Variants in AK7 observed in about 807,000 individuals in gnomAD.
AK7 encodes adenylate kinase 7, also known as ATP-AMP transphosphorylase 7.
In AK7, 78 loss-of-function variants were observed where a neutral mutation model predicts 96.6. The observed-to-expected ratio is 0.81, with a 90% CI of 0.67 to 0.97. The LOEUF is 0.97. Among genes scored for constraint, AK7 ranks in the 50% least tolerant of loss-of-function variants. The pLI is 0.00. For missense variants in AK7, 855 were observed against 887.9 expected (o/e 0.96, Z 0.47); for synonymous variants, 302 against 317.2 (o/e 0.95, Z 0.51).
rs953796278 is a variant in AK7 at position 96,456,533 on chromosome 14, G to A, written c.1227+58G>A. The A allele has an allele frequency of 3.2e-6, 5 of 1,561,512 alleles. No individual in the cohort carries two copies. The South Asian group carries it at 5.8e-5, about 18-fold the overall frequency. The stretch of plus-strand genomic sequence containing the variant: ...AATTAATTACTGTATTGTTCTTAGG[G>A]TATAAAGATGTATATGATTCGAATT... On this transcript the variant is annotated intron_variant, in intron 11 of 17. Coordinates refer to ENST00000267584, the MANE Select transcript of AK7 (RefSeq NM_152327.5).
intron 4 of AK7, among the ~76,000 whole-genome samples, chr14:96,415,826 A>G (rs1455467525): frequency 6.6e-6 from 1 of 151,020 alleles, no homozygotes; most frequent in Non-Finnish European, 1.5e-5. Flanking sequence ...TTAATTAAAT[A>G]ATTAAGGTAT....
Position 96,488,102 on chromosome 14 carries a change from G to GA in AK7, c.2134-201dup, listed in dbSNP as rs1895874390. 6.8e-6 allele frequency: 3 copies of GA among 438,112 alleles called. No homozygotes were observed. The South Asian group carries it at 7.6e-5, about 11-fold the overall frequency. The allele number at this position is 438,112 out of a possible 1,614,324, so 27.1% of individuals were successfully genotyped here. A position where few individuals can be genotyped will look rare whatever the true frequency, so the allele number is the denominator to read the frequency against. On this transcript the variant is annotated intron_variant, in intron 17 of 17. Coordinates refer to ENST00000267584, the MANE Select transcript of AK7 (RefSeq NM_152327.5). ...TAATGTTTTGTATTTTAGTAGAGAGGAAGTTTCACCATGTTGACCAGGCTG... is the reference window on the plus strand; with the variant it reads ...TAATGTTTTGTATTTTAGTAGAGAGGAAAGTTTCACCATGTTGACCAGGCTG...
At chr14:96,483,350 TTG>T in intron 16 of AK7, 131 bp downstream of exon 16, 1 of 891,134 alleles carries the variant, frequency 1.1e-6, no homozygotes, top group East Asian at 2.7e-5. Flanking sequence ...CTAAACAAAT[TTG>T]TGTTTGCTTT....
intron 5 of AK7, among the ~76,000 whole-genome samples, chr14:96,424,870 A>C (rs985815428): frequency 2.0e-5 from 3 of 152,176 alleles, no homozygotes; most frequent in Non-Finnish European, 4.4e-5. Flanking sequence ...TTTATGTTTA[A>C]TTTACAGGTG....
chr14:96,436,836 A>G (rs1056357687), intron 5 of AK7, among the ~76,000 whole-genome samples: 6 of 151,856 alleles, frequency 4.0e-5, no homozygotes, highest in African/African-American at 1.5e-4. Flanking sequence ...CACCTTCCTC[A>G]TGCCCTGAGA....
At chr14:96,485,794 CTTT>C (rs758883552) in intron 16 of AK7, among the ~76,000 whole-genome samples, 5 of 128,966 alleles carry the variant, frequency 3.9e-5, no homozygotes, top group African/African-American at 6.1e-5. Context: ...TCAGCTAGGA[CTTT>C]TTTTTTTTTT....
At chr14:96,400,731 G>A (rs1890361307) in intron 2 of AK7, among the ~76,000 whole-genome samples, 1 of 152,240 alleles carries the variant, frequency 6.6e-6, no homozygotes, top group Admixed American at 6.5e-5. Flanking sequence ...ATCTCTTTGA[G>A]TCTCACTGTC....
chr14:96,488,301 G>A lies in AK7; in HGVS notation c.2134-4G>A. On this transcript the variant is annotated splice_region_variant and splice_polypyrimidine_tract_variant and intron_variant, in intron 17 of 17. Coordinates refer to ENST00000267584, the MANE Select transcript of AK7 (RefSeq NM_152327.5). ...CTGTTGACTTGTCTTTTTTTAAATT[G>A]TAGGCAGAATATCTCTTCAAGAACA... is the stretch of plus-strand genomic sequence containing the variant. 6.2e-7 allele frequency: 1 copy of A among 1,609,686 alleles called. No homozygotes were observed. Among genetic ancestry groups the A allele is most frequent in the Non-Finnish European group, 8.5e-7 (1 of 1,176,886 alleles).
At chr14:96,466,635 A>G (rs950533642) in intron 12 of AK7, among the ~76,000 whole-genome samples, 1 of 152,012 alleles carries the variant, frequency 6.6e-6, no homozygotes, top group African/African-American at 2.4e-5. Context: ...ACCCTCCCAA[A>G]GTGCTGGGAT....
At position 96,483,113 on chromosome 14, in the gene AK7, G is replaced by A. The variant is rs773055807; in HGVS notation, c.1868G>A (p.Arg623Gln). The part of the protein sequence containing the change: ...LTDEEKAEEE[R>Q]KAAEERLARE... ...GACGAAGAAAAGGCAGAAGAGGAGC[G>A]GAAGGCTGCGGAGGAGCGGCTGGCC... Residue 623 changes from arginine to glutamine, a missense_variant, in exon 16 of 18, where the codon CGG becomes CAG. Transcript: ENST00000267584. 3.4e-5 allele frequency: 55 copies of A among 1,614,026 alleles called. No individual in the cohort carries two copies. Among genetic ancestry groups the A allele is most frequent in the Middle Eastern group, 1.6e-4 (1 of 6,084 alleles).
At chr14:96,455,418 G>A (rs780417976) in intron 10 of AK7, among the ~76,000 whole-genome samples, 2 of 152,114 alleles carry the variant, frequency 1.3e-5, no homozygotes, top group Admixed American at 1.3e-4. Flanking sequence ...CCAGGAGTTC[G>A]AGGCTGCAGT....
intron 5 of AK7, among the ~76,000 whole-genome samples, chr14:96,427,118 G>C (rs1404051398): frequency 1.3e-5 from 2 of 152,158 alleles, no homozygotes; most frequent in East Asian, 3.9e-4. Flanking sequence ...GGTAGTGCAT[G>C]CCTGTAATCC....
At position 96,457,002 on chromosome 14, in the gene AK7, C is replaced by T. The variant is rs146509527; in HGVS notation, c.1227+527C>T. The T allele has an allele frequency of 4.7e-3, 834 of 178,740 alleles. 3 individuals carry two copies. The highest frequency in any genetic ancestry group is 7.1e-3 in the Non-Finnish European group (599 of 83,830). The allele number at this position is 178,740 out of a possible 1,614,324, so 11.1% of individuals were successfully genotyped here. ...GCCTTCAAAGGTTTTGCTTTGGCTT[C>T]GGGAAAGAAAGGAGCTTCCTTCTTT... On this transcript the variant is annotated intron_variant, in intron 11 of 17. Transcript: ENST00000267584.
intron 16 of AK7, among the ~76,000 whole-genome samples, chr14:96,485,835 G>A (rs561956136): frequency 2.8e-4 from 39 of 138,664 alleles, no homozygotes; most frequent in Middle Eastern, 4.0e-3. Flanking sequence ...TTGCTCTGTC[G>A]CCCAGGCTGG....
At chr14:96,474,644 AT>A (rs1256922600) in intron 14 of AK7, among the ~76,000 whole-genome samples, 2 of 152,138 alleles carry the variant, frequency 1.3e-5, no homozygotes, top group East Asian at 1.9e-4. Flanking sequence ...AATTAAAAAA[AT>A]AAAATAAAAA....
At chr14:96,416,441 T>C (rs1160605985) in intron 4 of AK7, among the ~76,000 whole-genome samples, 1 of 152,020 alleles carries the variant, frequency 6.6e-6, no homozygotes, top group Admixed American at 6.6e-5. Context: ...AAAACAGATT[T>C]GCCCATTGGC....
intron 2 of AK7, among the ~76,000 whole-genome samples, chr14:96,404,066 C>T: frequency 6.7e-6 from 1 of 150,230 alleles, no homozygotes; most frequent in East Asian, 2.0e-4. Flanking sequence ...ACCACTTGGA[C>T]CTGGGAGGGG....
chr14:96,404,850 AT>A lies in AK7; in HGVS notation c.389del (p.Ile130ThrfsTer26). The A allele has an allele frequency of 1.2e-6, 2 of 1,609,724 alleles. No individual in the cohort carries two copies. On this transcript the variant is annotated frameshift_variant, in exon 3 of 18. Coordinates refer to ENST00000267584, the MANE Select transcript of AK7 (RefSeq NM_152327.5). LOFTEE classifies it high-confidence loss of function. Reference protein sequence around the residue: ...TESSQQMEEAIWAVSALSEEV... With the variant: ...TESSQQMEEAXWAVSALSEEV... ...GAGCTCACAGCAAATGGAGGAAGCC[AT>A]CTGGGCAGTCTCTGGTCAGTGAGGT...
intron 12 of AK7, among the ~76,000 whole-genome samples, chr14:96,462,111 TGA>T (rs764854388): frequency 2.0e-5 from 3 of 151,984 alleles, no homozygotes; most frequent in Non-Finnish European, 4.4e-5. Context: ...CCCCCAGGTG[TGA>T]GAGGCCAAAC....
Sources: gnomAD v4.1 joint callset for allele counts (sites outside exome capture counted in the v4.1 genomes callset) on GRCh38, gnomAD v4.1.1 for gene constraint, MANE v1.5 for transcripts, NCBI Gene and HGNC (gene_info 2026-07-23, HGNC 2026-07-21) for gene names.